The following KCNH7 variants were observed in gnomAD, a reference collection of about 807,000 sequenced individuals.
The protein encoded by KCNH7 is potassium voltage-gated channel subfamily H member 7.
Under a neutral mutation model 120.8 loss-of-function variants are expected in KCNH7, and 49 were observed. The observed-to-expected ratio is 0.41, with a 90% CI of 0.32 to 0.51. The LOEUF is 0.51. Among genes scored for constraint, KCNH7 ranks in the 20% least tolerant of loss-of-function variants. KCNH7 has a pLI of 0.38. For synonymous variants in KCNH7, 547 were observed against 516.1 expected (o/e 1.06, Z -0.81); for missense variants, 1,097 against 1,446.6 (o/e 0.76, Z 3.92).
At chr2:162,442,308 G>A (rs1448264417) in intron 7 of KCNH7, among the ~76,000 whole-genome samples, 1 of 151,760 alleles carries the variant, frequency 6.6e-6, no homozygotes, top group African/African-American at 2.4e-5. Flanking sequence ...TTACAGGCGT[G>A]AGCCACTGCG....
At chr2:162,743,977 A>G (rs968126349) in intron 2 of KCNH7, among the ~76,000 whole-genome samples, 1 of 152,178 alleles carries the variant, frequency 6.6e-6, no homozygotes, top group Admixed American at 6.5e-5. Context: ...AAATGGATTT[A>G]TTTCAAGATA....
intron 9 of KCNH7, among the ~76,000 whole-genome samples, chr2:162,417,724 T>C (rs1573933495): frequency 6.6e-6 from 1 of 152,254 alleles, no homozygotes; most frequent in African/African-American, 2.4e-5. Flanking sequence ...AGCAGCATCA[T>C]TCCAACTGTA....
rs142524414 is a variant in KCNH7 at position 162,526,907 on chromosome 2, T to C, written c.464-8749A>G. On this transcript the variant is annotated intron_variant, in intron 3 of 15. Transcript: ENST00000332142. ...TAAGTGTCCATGAAATCTTCACAAT[T>C]TATGTTCAGAGATTGCAGTAAAGAC... Among the ~76,000 whole-genome samples, 551 of 152,096 alleles carry C rather than the reference T, an allele frequency of 3.6e-3. 4 individuals are homozygous for C. The highest frequency in any genetic ancestry group is 0.013 in the African/African-American group (536 of 41,560).
rs1685427193 is a variant in KCNH7, at chr2:162,673,381, T to A, written c.308-136301A>T. On this transcript the variant is annotated intron_variant, in intron 2 of 15. Transcript: ENST00000332142. Reference sequence around the variant, plus strand: ...GTCAGGTTAATCCCAGAAATGTTATTTTGACATTAAGAAATCAATTAGTAG... The same window carrying A: ...GTCAGGTTAATCCCAGAAATGTTATATTGACATTAAGAAATCAATTAGTAG... 2.0e-5 allele frequency among the ~76,000 whole-genome samples: 3 copies of A among 152,078 alleles called. No homozygotes were observed. The South Asian group carries it at 6.2e-4, about 31-fold the overall frequency.
intron 6 of KCNH7, among the ~76,000 whole-genome samples, chr2:162,475,016 A>G (rs752785463): frequency 6.6e-6 from 1 of 152,256 alleles, no homozygotes; most frequent in Non-Finnish European, 1.5e-5. Context: ...GAGAACACCT[A>G]GCTAAGCTTC....
At chr2:162,412,101 A>G (rs1262520568) in intron 9 of KCNH7, among the ~76,000 whole-genome samples, 2 of 152,042 alleles carry the variant, frequency 1.3e-5, no homozygotes, top group African/African-American at 4.8e-5. Flanking sequence ...AAATTAAACC[A>G]AACAAAAACA....
chr2:162,797,892 A>G (rs1684200092), intron 2 of KCNH7: 1 of 152,138 alleles, frequency 6.6e-6, no homozygotes, highest in Non-Finnish European at 1.5e-5. Context: ...TCAAGTGCAT[A>G]ACATTAAGAA....
In KCNH7 at chr2:162,492,449, A is replaced by T. The variant is rs566005253; in HGVS notation, c.1128+11994T>A. ...CCATTTTAATGGCCACATGGTATCA[A>T]TCCTGGCTTAGGGAATGAGTACTTT... is the stretch of plus-strand genomic sequence containing the variant. On this transcript the variant is annotated intron_variant, in intron 6 of 15. Coordinates refer to ENST00000332142, the MANE Select transcript of KCNH7 (RefSeq NM_033272.4). 2.0e-5 allele frequency among the ~76,000 whole-genome samples: 3 copies of T among 152,250 alleles called. No homozygotes were observed. The East Asian group carries it at 5.8e-4, about 29-fold the overall frequency.
intron 2 of KCNH7, among the ~76,000 whole-genome samples, chr2:162,635,416 C>T (rs76733572): frequency 0.022 from 3,407 of 152,104 alleles, 121 homozygotes; most frequent in East Asian, 0.18. Context: ...GAACTGTTGC[C>T]TATTTCAGAA....
intron 2 of KCNH7, among the ~76,000 whole-genome samples, chr2:162,734,441 T>C (rs1028262417): frequency 1.3e-5 from 2 of 152,210 alleles, no homozygotes; most frequent in African/African-American, 4.8e-5. Context: ...TGTCTTCATC[T>C]GCAAGCACTA....
chr2:162,701,357 T>C (rs887269332), intron 2 of KCNH7, among the ~76,000 whole-genome samples: 63 of 152,016 alleles, frequency 4.1e-4, no homozygotes, highest in Non-Finnish European at 8.4e-4. Context: ...TATGTATATA[T>C]GTATAAATAT....
Position 162,491,541 on chromosome 2 carries a change from G to C in KCNH7, c.1128+12902C>G, listed in dbSNP as rs116206567. The stretch of plus-strand genomic sequence containing the variant: ...AGGTCATGCTAGTATCTATGACACA[G>C]ACAAGGTATAGGGAACTCAAAAGTT... On this transcript the variant is annotated intron_variant, in intron 6 of 15. Coordinates refer to ENST00000332142, the MANE Select transcript of KCNH7 (RefSeq NM_033272.4). 9.2e-3 allele frequency among the ~76,000 whole-genome samples: 1,406 copies of C among 152,200 alleles called. 30 individuals carry two copies. The highest frequency in any genetic ancestry group is 0.032 in the African/African-American group (1,341 of 41,520).
intron 14 of KCNH7, among the ~76,000 whole-genome samples, chr2:162,376,427 A>G (rs1253978319): frequency 6.7e-6 from 1 of 149,656 alleles, no homozygotes; most frequent in Non-Finnish European, 1.5e-5. Flanking sequence ...GTGCAGTAGC[A>G]TGATCTCGGC....
chr2:162,591,751 T>C (rs1448450830), intron 2 of KCNH7, among the ~76,000 whole-genome samples: 1 of 152,150 alleles, frequency 6.6e-6, no homozygotes, highest in Admixed American at 6.6e-5. Context: ...AATTGAAATA[T>C]GTTCTTATTT....
intron 7 of KCNH7, among the ~76,000 whole-genome samples, chr2:162,443,673 A>G (rs186921917): frequency 6.6e-6 from 1 of 152,300 alleles, no homozygotes; most frequent in East Asian, 1.9e-4. Context: ...GGTCTGAACT[A>G]GTTCCCTGCT....
At chr2:162,678,535 T>C (rs1237562640) in intron 2 of KCNH7, among the ~76,000 whole-genome samples, 1 of 151,440 alleles carries the variant, frequency 6.6e-6, no homozygotes, top group Non-Finnish European at 1.5e-5. Context: ...ACCAATAATC[T>C]CAGAATAATC....
intron 2 of KCNH7, among the ~76,000 whole-genome samples, chr2:162,564,581 T>G (rs1430557407): frequency 1.1e-4 from 16 of 152,170 alleles, no homozygotes. Flanking sequence ...TGTGGTAAAT[T>G]TAGAGACATT....
intron 2 of KCNH7, among the ~76,000 whole-genome samples, chr2:162,615,206 G>A (rs1348991107): frequency 1.3e-5 from 2 of 152,116 alleles, no homozygotes; most frequent in African/African-American, 4.8e-5. Context: ...AGTGTGCAGG[G>A]AGCCTGTAGC....
In KCNH7 at chr2:162,810,082, AT is replaced by A. The variant is rs1684685934; in HGVS notation, c.307+26454del. On this transcript the variant is annotated intron_variant, in intron 2 of 15. Coordinates refer to ENST00000332142, the MANE Select transcript of KCNH7 (RefSeq NM_033272.4). Reference sequence around the variant, plus strand: ...AGGCGCCCGCCACCACGCCCAGCTAATTTTTTGTATTTTTAGTAGAGACAGG... The same window carrying A: ...AGGCGCCCGCCACCACGCCCAGCTAATTTTTGTATTTTTAGTAGAGACAGG... 2.7e-5 allele frequency among the ~76,000 whole-genome samples: 2 copies of A among 73,710 alleles called. 1 individual carries two copies. The highest frequency in any genetic ancestry group is 8.6e-5 in the African/African-American group (2 of 23,144). The allele number at this position is 73,710 out of a possible 152,430, so 48.4% of individuals were successfully genotyped here.
Sources: allele counts gnomAD v4.1 joint callset (sites outside exome capture counted in the v4.1 genomes callset), GRCh38; gene constraint gnomAD v4.1.1; transcripts MANE v1.5; gene names NCBI Gene and HGNC (gene_info 2026-07-23, HGNC 2026-07-21).